SYNDIG1: variants seen among roughly 807,000 people sequenced by gnomAD.
SYNDIG1 encodes the protein synapse differentiation inducing 1, also known as synapse differentiation-inducing gene protein 1.
A neutral mutation model predicts 19.4 loss-of-function variants in SYNDIG1; 9 were observed. The observed-to-expected ratio is 0.46, with a 90% CI of 0.28 to 0.81. The LOEUF (loss-of-function observed/expected upper bound fraction) is 0.81, where lower values mean the gene tolerates loss of function less well. Ranked by LOEUF, SYNDIG1 falls within the 30% of genes least tolerant of loss-of-function variation. The pLI, the probability that SYNDIG1 is intolerant of heterozygous loss-of-function variation, is 0.12. For synonymous variants in SYNDIG1, 141 were observed against 145.9 expected, an observed-to-expected ratio of 0.97 and a Z score of 0.24; for missense variants, 311 against 343.3, an observed-to-expected ratio of 0.91 and a Z score of 0.74.
intron 3 of SYNDIG1, among the ~76,000 whole-genome samples, chr20:24,646,708 G>A (rs894135494): frequency 1.3e-5 from 2 of 151,356 alleles, no homozygotes; most frequent in East Asian, 1.9e-4. Flanking sequence ...TACAATGTCC[G>A]CCTCCTGAGT....
At chr20:24,629,620 G>C (rs2059210371) in intron 3 of SYNDIG1, among the ~76,000 whole-genome samples, 1 of 152,004 alleles carries the variant, frequency 6.6e-6, no homozygotes, top group Non-Finnish European at 1.5e-5. Flanking sequence ...GCCAAGGAAA[G>C]GAAGCCCACC....
rs543332505 is a variant in SYNDIG1, at chr20:24,546,850, C to T, written c.480+3273C>T. ...TACTGAAACAAAAGAACAGTGAATA[C>T]TGATCTGAGCTCTTTCCAGAAGGCA... On this transcript the variant is annotated intron_variant, in intron 2 of 3. Transcript: ENST00000376862. Among the ~76,000 whole-genome samples the T allele has an allele frequency of 1.1e-4, 17 of 152,012 alleles. 1 individual carries two copies. In the South Asian group the frequency reaches 3.5e-3, roughly 32 times the overall value.
chr20:24,578,441 C>CA (rs11087470), intron 2 of SYNDIG1, among the ~76,000 whole-genome samples: 4,317 of 118,246 alleles, frequency 0.037, 101 homozygotes, highest in South Asian at 0.074. Context: ...GACTCTGTAT[C>CA]AAAAAAAAAA....
At chr20:24,517,304 A>C (rs1312553851) in intron 1 of SYNDIG1, among the ~76,000 whole-genome samples, 1 of 148,928 alleles carries the variant, frequency 6.7e-6, no homozygotes, top group African/African-American at 2.5e-5. Context: ...GTATAATAAA[A>C]AAAAAAATAA....
Position 24,665,394 on chromosome 20 carries a change from TC to T in SYNDIG1, c.670del (p.Arg224GlyfsTer89). On this transcript the variant is annotated frameshift_variant, in exon 4 of 4. Coordinates refer to ENST00000376862, the MANE Select transcript of SYNDIG1 (RefSeq NM_024893.3). LOFTEE classifies it high-confidence loss of function. ...KGDLHQASTS[S>X]RRALFLAVLS... ...GGACTTGCACCAGGCCAGCACCAGC[TC>T]CCGGCGGGCCCTATTCCTGGCAGTG... The T allele has an allele frequency of 6.2e-7, 1 of 1,611,698 alleles. No homozygotes were observed. The highest frequency in any genetic ancestry group is 1.7e-5 in the Admixed American group (1 of 59,394).
At chr20:24,585,114 T>G in intron 3 of SYNDIG1, 121 bp downstream of exon 3, 1 of 1,324,406 alleles carries the variant, frequency 7.6e-7, no homozygotes, top group African/African-American at 1.5e-5. Context: ...TACAGCTGGG[T>G]CGGCACTTGC....
At chr20:24,575,808 A>G (rs2058218293) in intron 2 of SYNDIG1, among the ~76,000 whole-genome samples, 1 of 152,184 alleles carries the variant, frequency 6.6e-6, no homozygotes, top group South Asian at 2.1e-4. Flanking sequence ...TGAGCATTAT[A>G]CATTAATTTA....
intron 3 of SYNDIG1, among the ~76,000 whole-genome samples, 182 bp from the exon 4 acceptor site, chr20:24,665,164 A>G (rs969982151): frequency 6.6e-6 from 1 of 152,100 alleles, no homozygotes; most frequent in East Asian, 1.9e-4. Flanking sequence ...CCCCAGCCCC[A>G]CATTTGTTTC....
In SYNDIG1 at chr20:24,543,319, G is replaced by A. The variant is rs200638931; in HGVS notation, c.222G>A (p.Leu74=). 10 of 1,613,382 alleles carry A rather than the reference G, an allele frequency of 6.2e-6. No homozygotes were observed. Among genetic ancestry groups the A allele is most frequent in the Non-Finnish European group, 8.5e-6 (10 of 1,180,030 alleles). ...SSRSEPMQQL[L]DPNTLQQSVE... is the part of the protein sequence containing the mutation. ...GGAGTGAGCCGATGCAGCAGCTGCT[G>A]GACCCCAACACCCTGCAGCAGTCAG... is the stretch of plus-strand genomic sequence containing the variant. The change falls in exon 2 of 4, where the codon CTG becomes CTA. Residue 74 remains leucine (L), a synonymous_variant. Transcript: ENST00000376862.
At chr20:24,469,950 G>A (rs899607462) in intron 1 of SYNDIG1, among the ~76,000 whole-genome samples, 197 bp downstream of exon 1, 1 of 151,830 alleles carries the variant, frequency 6.6e-6, no homozygotes, top group African/African-American at 2.4e-5. Context: ...TCGCCGCGAC[G>A]AGACTTGGGA....
intron 3 of SYNDIG1, among the ~76,000 whole-genome samples, chr20:24,637,782 G>A (rs1337299388): frequency 6.6e-6 from 1 of 152,206 alleles, no homozygotes; most frequent in African/African-American, 2.4e-5. Context: ...CAGGGCAGAG[G>A]CAGTGGGCTG....
At chr20:24,539,474 A>G (rs2057424949) in intron 1 of SYNDIG1, among the ~76,000 whole-genome samples, 5 of 152,326 alleles carry the variant, frequency 3.3e-5, no homozygotes, top group Admixed American at 2.6e-4. Flanking sequence ...TTTATGCCAT[A>G]TCACACTGTT....
chr20:24,523,882 G>T (rs894107124), intron 1 of SYNDIG1, among the ~76,000 whole-genome samples: 1 of 152,180 alleles, frequency 6.6e-6, no homozygotes, highest in Admixed American at 6.5e-5. Flanking sequence ...TTATAAATGG[G>T]ACAGATTGCT....
At chr20:24,545,608 G>A (rs542220572) in intron 2 of SYNDIG1, among the ~76,000 whole-genome samples, 1 of 152,204 alleles carries the variant, frequency 6.6e-6, no homozygotes, top group African/African-American at 2.4e-5. Context: ...GCTGAGTCTT[G>A]AGGATGAGTA....
In SYNDIG1 at chr20:24,542,981, G is replaced by T; in HGVS notation, c.-78-39G>T. On this transcript the variant is annotated intron_variant, in intron 1 of 3. Coordinates refer to ENST00000376862, the MANE Select transcript of SYNDIG1 (RefSeq NM_024893.3). ...CTGGGTGATTAGCTTGTTTTCAAGT[G>T]TGATTCTCTTGTCTCATCTCTGTTT... The T allele has an allele frequency of 2.7e-6, 4 of 1,473,078 alleles. No homozygotes were observed. The South Asian group carries it at 5.2e-5, about 19-fold the overall frequency. The allele number at this position is 1,473,078 out of a possible 1,614,324, so 91.3% of individuals were successfully genotyped here. A position where few individuals can be genotyped will look rare whatever the true frequency, so the allele number is the denominator to read the frequency against.
At chr20:24,498,668 T>C (rs2146358355) in intron 1 of SYNDIG1, among the ~76,000 whole-genome samples, 1 of 152,338 alleles carries the variant, frequency 6.6e-6, no homozygotes, top group South Asian at 2.1e-4. Flanking sequence ...ATGTCATGTA[T>C]GTAGATGTGT....
intron 2 of SYNDIG1, among the ~76,000 whole-genome samples, chr20:24,556,035 A>T (rs1462813192): frequency 6.6e-6 from 1 of 152,150 alleles, no homozygotes; most frequent in Non-Finnish European, 1.5e-5. Flanking sequence ...CTTCTTGTTG[A>T]ATTGATCCCT....
intron 2 of SYNDIG1, among the ~76,000 whole-genome samples, chr20:24,569,466 C>T (rs1355321498): frequency 1.3e-5 from 2 of 152,166 alleles, no homozygotes; most frequent in African/African-American, 2.4e-5. Flanking sequence ...AGTGTTGAAG[C>T]CCCTGAGTGA....
chr20:24,524,663 T>G (rs1198078083), intron 1 of SYNDIG1, among the ~76,000 whole-genome samples: 3 of 152,006 alleles, frequency 2.0e-5, no homozygotes, highest in Non-Finnish European at 2.9e-5. Flanking sequence ...AAAAAAAAAT[T>G]TATCTTGTTA....
Sources: allele counts gnomAD v4.1 joint callset (sites outside exome capture counted in the v4.1 genomes callset), GRCh38; gene constraint gnomAD v4.1.1; transcripts MANE v1.5; gene names NCBI Gene and HGNC (gene_info 2026-07-23, HGNC 2026-07-21).